The following FOXO3 variants were observed in gnomAD, a reference collection of about 807,000 sequenced individuals.
FOXO3 encodes forkhead box O3.
Under a neutral mutation model 41.9 loss-of-function variants are expected in FOXO3, and 4 were observed. The ratio of observed to expected loss-of-function variants is 0.10; its 90% CI spans 0.05 to 0.22. The LOEUF (loss-of-function observed/expected upper bound fraction) is 0.22, where lower values mean the gene tolerates loss of function less well. Among genes scored for constraint, FOXO3 ranks in the 10% least tolerant of loss-of-function variants. The pLI, the probability that FOXO3 is intolerant of heterozygous loss-of-function variation, is 1.00. For missense variants in FOXO3, 534 were observed against 906.8 expected, an observed-to-expected ratio of 0.59 and a Z score of 5.28; for synonymous variants, 318 against 389.3, an observed-to-expected ratio of 0.82 and a Z score of 2.16.
chr6:108,604,110 A>G (rs1257484277), intron 1 of FOXO3, among the ~76,000 whole-genome samples: 2 of 152,206 alleles, frequency 1.3e-5, no homozygotes, highest in African/African-American at 4.8e-5. Flanking sequence ...TTGGAAGGAA[A>G]GGAGGCAGCA....
chr6:108,632,343 T>C (rs1199250659), intron 1 of FOXO3, among the ~76,000 whole-genome samples: 1 of 152,116 alleles, frequency 6.6e-6, no homozygotes, highest in African/African-American at 2.4e-5. Flanking sequence ...CCAGTTTCTC[T>C]GTATCTGAGA....
chr6:108,659,983 T>G (rs1252921499), intron 1 of FOXO3, among the ~76,000 whole-genome samples: 2 of 152,176 alleles, frequency 1.3e-5, no homozygotes, highest in African/African-American at 4.8e-5. Flanking sequence ...CTAAATGCTT[T>G]TTAAGGGGGT....
Position 108,611,696 on chromosome 6 carries a change from C to CT in FOXO3, c.621+49881dup, listed in dbSNP as rs780238724. Among the ~76,000 whole-genome samples, 927 of 125,408 alleles carry CT rather than the reference C, an allele frequency of 7.4e-3. 7 individuals are homozygous for CT. The highest frequency in any genetic ancestry group is 0.019 in the African/African-American group (655 of 34,090). The allele number at this position is 125,408 out of a possible 152,430, so 82.3% of individuals were successfully genotyped here. On this transcript the variant is annotated intron_variant, in intron 1 of 2. Transcript: ENST00000406360. ...TGACGTGTCTATTGAAATCTTTTGC[C>CT]TTTTTTTTTTTTTTAAAGGATTGTA...
chr6:108,627,610 G>A (rs1777847584), intron 1 of FOXO3, among the ~76,000 whole-genome samples: 1 of 152,050 alleles, frequency 6.6e-6, no homozygotes, highest in Admixed American at 6.5e-5. Flanking sequence ...TTGCAGAGGT[G>A]TTCAGTATTT....
At position 108,658,234 on chromosome 6, in the gene FOXO3, A is replaced by G. The variant is rs976032384; in HGVS notation, c.622-5221A>G. Among the ~76,000 whole-genome samples, 3 of 152,174 alleles carry G rather than the reference A, an allele frequency of 2.0e-5. 1 individual carries two copies. Among genetic ancestry groups the G allele is most frequent in the African/African-American group, 7.2e-5 (3 of 41,438 alleles). ...GAGCCATATTTGTTGGCCTTTGTCA[A>G]TGCCCTACCTTCAGATTATGGATTT... On this transcript the variant is annotated intron_variant, in intron 1 of 2. Coordinates refer to ENST00000406360, the MANE Select transcript of FOXO3 (RefSeq NM_001455.4).
chr6:108,592,275 G>A (rs894336329), intron 1 of FOXO3, among the ~76,000 whole-genome samples: 3 of 152,170 alleles, frequency 2.0e-5, no homozygotes, highest in African/African-American at 4.8e-5. Context: ...GCAGTTTTTT[G>A]TATGTAAGTT....
chr6:108,660,780 G>T (rs1464081123), intron 1 of FOXO3, among the ~76,000 whole-genome samples: 1 of 152,190 alleles, frequency 6.6e-6, no homozygotes, highest in African/African-American at 2.4e-5. Flanking sequence ...GCCGAGGCGG[G>T]TGGGTCACGA....
intron 1 of FOXO3, among the ~76,000 whole-genome samples, chr6:108,652,640 T>C (rs1205245239): frequency 2.6e-5 from 4 of 152,222 alleles, no homozygotes; most frequent in African/African-American, 9.6e-5. Flanking sequence ...TGCACCTCAG[T>C]TTCCTCCTGA....
chr6:108,653,398 T>G lies in FOXO3; in HGVS notation c.622-10057T>G, dbSNP rs969672771. On this transcript the variant is annotated intron_variant, in intron 1 of 2. Transcript: ENST00000406360. ...CCCTGCATTTTATCTTTGCTATTAG[T>G]GTGCTAATCCAGACATTGGTACTAA... Among the ~76,000 whole-genome samples the G allele has an allele frequency of 4.6e-5, 7 of 152,206 alleles. No individual in the cohort carries two copies. The South Asian group carries it at 8.3e-4, about 18-fold the overall frequency.
chr6:108,601,233 C>T (rs1034496009), intron 1 of FOXO3, among the ~76,000 whole-genome samples: 4 of 151,554 alleles, frequency 2.6e-5, no homozygotes, highest in Non-Finnish European at 2.9e-5. Context: ...GGGATGGTCT[C>T]GATCTCCTGA....
intron 1 of FOXO3, among the ~76,000 whole-genome samples, chr6:108,661,554 CTG>C (rs1258064315): frequency 2.0e-5 from 3 of 152,156 alleles, no homozygotes; most frequent in African/African-American, 7.2e-5. Flanking sequence ...ACCATGGACT[CTG>C]TGTTTTATAA....
chr6:108,678,633 G>GAAT (rs1426472651), intron 2 of FOXO3, among the ~76,000 whole-genome samples: 1 of 151,812 alleles, frequency 6.6e-6, no homozygotes, highest in Admixed American at 6.6e-5. Flanking sequence ...ATTGGAGGCA[G>GAAT]AATAATAATA....
intron 1 of FOXO3, among the ~76,000 whole-genome samples, chr6:108,651,861 G>A (rs909155970): frequency 5.9e-5 from 9 of 152,194 alleles, no homozygotes; most frequent in Non-Finnish European, 1.2e-4. Context: ...TGATCACGTC[G>A]TCAGTTGGCA....
chr6:108,566,016 C>T (rs1331040008), intron 1 of FOXO3, among the ~76,000 whole-genome samples: 1 of 152,084 alleles, frequency 6.6e-6, no homozygotes, highest in African/African-American at 2.4e-5. Context: ...GCCAAAATGT[C>T]GTTTTGTAAT....
At chr6:108,560,167 G>A (rs1444806670), upstream of FOXO3, among the ~76,000 whole-genome samples, 1 of 152,170 alleles carries the variant, frequency 6.6e-6, no homozygotes, top group East Asian at 1.9e-4. Context: ...ACTCGGGAAG[G>A]GGGAAACTGT....
chr6:108,586,445 A>G (rs1432576949), intron 1 of FOXO3, among the ~76,000 whole-genome samples: 1 of 152,156 alleles, frequency 6.6e-6, no homozygotes, highest in Non-Finnish European at 1.5e-5. Context: ...CATTAGTTTC[A>G]GTGTACCTTC....
At chr6:108,636,772 A>T (rs1267165263) in intron 1 of FOXO3, among the ~76,000 whole-genome samples, 1 of 152,170 alleles carries the variant, frequency 6.6e-6, no homozygotes, top group Non-Finnish European at 1.5e-5. Flanking sequence ...CCAGCCTAGC[A>T]GCCACTCACA....
At position 108,682,131 on chromosome 6, in the gene FOXO3, G is replaced by A. The variant is rs1562272989; in HGVS notation, c.*2339G>A. 1 of 152,618 alleles carries A rather than the reference G, an allele frequency of 6.6e-6. No homozygotes were observed. Among genetic ancestry groups the A allele is most frequent in the African/African-American group, 2.4e-5 (1 of 41,442 alleles). 9.5% of individuals were successfully genotyped at this position (152,618 alleles called of 1,614,324 possible). On this transcript the variant is annotated 3_prime_UTR_variant, in exon 3 of 3. Transcript: ENST00000406360. ...ACCTTTGCAGTTTTACAGACCCTGG[G>A]AGCTGCTTTGGGAGTGAGAAAGGCA... is the stretch of plus-strand genomic sequence containing the variant.
rs2128395482 is a variant in FOXO3, at chr6:108,684,408, C to G, written c.*4616C>G. The G allele has an allele frequency of 6.6e-6, 1 of 152,222 alleles. No individual in the cohort carries two copies. Among genetic ancestry groups the G allele is most frequent in the Middle Eastern group, 3.4e-3 (1 of 294 alleles). The allele number at this position is 152,222 out of a possible 1,614,324, so 9.4% of individuals were successfully genotyped here. On this transcript the variant is annotated 3_prime_UTR_variant, in exon 3 of 3. Transcript: ENST00000406360. The stretch of plus-strand genomic sequence containing the variant: ...CTATCTTATCTGTTTCAATTCCTTG[C>G]TCATATCCCATATAATCTAGAACTA...
Sources: gnomAD v4.1 joint callset for allele counts (sites outside exome capture counted in the v4.1 genomes callset) on GRCh38, gnomAD v4.1.1 for gene constraint, MANE v1.5 for transcripts, NCBI Gene and HGNC (gene_info 2026-07-23, HGNC 2026-07-21) for gene names.